The following MGAT4C variants were observed in gnomAD, a reference collection of about 807,000 sequenced individuals.
The protein encoded by MGAT4C is alpha-1,3-mannosyl-glycoprotein 4-beta-N-acetylglucosaminyltransferase C.
MGAT4C carries 19 observed loss-of-function variants against 40.1 expected under a neutral mutation model. The observed-to-expected ratio is 0.47, with a 90% CI of 0.33 to 0.70. The LOEUF (loss-of-function observed/expected upper bound fraction) is 0.70, where lower values mean the gene tolerates loss of function less well. MGAT4C is among the 30% of genes least tolerant of loss of function. The probability of loss-of-function intolerance (pLI) is 0.02; values close to 1 mark genes in which losing one functional copy is unlikely to be tolerated. For missense variants in MGAT4C, 491 were observed against 563.2 expected, an observed-to-expected ratio of 0.87 and a Z score of 1.30; for synonymous variants, 181 against 187.1, an observed-to-expected ratio of 0.97 and a Z score of 0.27.
intron 3 of MGAT4C, among the ~76,000 whole-genome samples, chr12:86,337,586 C>CAAAA (rs59069586): frequency 3.0e-5 from 2 of 65,654 alleles, no homozygotes; most frequent in Admixed American, 1.7e-4. Context: ...AATCTTGTCT[C>CAAAA]AAAAAAAAAA....
chr12:86,262,684 A>G (rs1952685306), intron 4 of MGAT4C, among the ~76,000 whole-genome samples: 1 of 152,104 alleles, frequency 6.6e-6, no homozygotes, highest in South Asian at 2.1e-4. Flanking sequence ...AGTATACTAC[A>G]CAAAATATGC....
At chr12:86,607,544 G>A (rs1962085328) in intron 2 of MGAT4C, among the ~76,000 whole-genome samples, 1 of 152,010 alleles carries the variant, frequency 6.6e-6, no homozygotes, top group African/African-American at 2.4e-5. Context: ...TCACAGGGCT[G>A]TTTATTTGCA....
chr12:86,285,232 G>A (rs1953323014), intron 4 of MGAT4C, among the ~76,000 whole-genome samples: 1 of 151,968 alleles, frequency 6.6e-6, no homozygotes, highest in Admixed American at 6.6e-5. Flanking sequence ...AATGAAGGGT[G>A]TTGATTCAAT....
intron 1 of MGAT4C, among the ~76,000 whole-genome samples, chr12:86,140,873 T>C (rs1882739379): frequency 6.6e-6 from 1 of 152,172 alleles, no homozygotes; most frequent in South Asian, 2.1e-4. Flanking sequence ...CTAGAAGAGA[T>C]ACATTTTTAT....
At chr12:86,502,463 T>C (rs1283542622) in intron 2 of MGAT4C, among the ~76,000 whole-genome samples, 1 of 151,882 alleles carries the variant, frequency 6.6e-6, no homozygotes, top group Non-Finnish European at 1.5e-5. Flanking sequence ...TCCATAGAGC[T>C]GCACAATACA....
rs1883926956 is a variant in MGAT4C, at chr12:85,975,722, A to T, written c.*3567T>A. 2 of 150,976 alleles carry T rather than the reference A, an allele frequency of 1.3e-5. No individual in the cohort carries two copies. Among genetic ancestry groups the T allele is most frequent in the Non-Finnish European group, 3.0e-5 (2 of 67,130 alleles). 9.4% of individuals were successfully genotyped at this position (150,976 alleles called of 1,614,324 possible). On this transcript the variant is annotated 3_prime_UTR_variant, in exon 5 of 5. Coordinates refer to ENST00000611864, the MANE Select transcript of MGAT4C (RefSeq NM_001351288.2). ...AACAGGATAAAATTATCCTAAAATT[A>T]ATATTAAATCTTACAAGAAACCCCC...
chr12:86,145,108 A>T (rs1278538748), intron 1 of MGAT4C, among the ~76,000 whole-genome samples: 34 of 152,192 alleles, frequency 2.2e-4, no homozygotes, highest in Admixed American at 2.2e-3. Flanking sequence ...CAACTTTTAA[A>T]TGGTGTCTAA....
At chr12:85,991,672 G>A (rs1885958105) in intron 2 of MGAT4C, among the ~76,000 whole-genome samples, 1 of 152,186 alleles carries the variant, frequency 6.6e-6, no homozygotes, top group East Asian at 1.9e-4. Flanking sequence ...GACATTACAG[G>A]CATGAATCTG....
At chr12:86,362,319 G>A (rs918873190) in intron 3 of MGAT4C, among the ~76,000 whole-genome samples, 3 of 151,986 alleles carry the variant, frequency 2.0e-5, no homozygotes, top group South Asian at 2.1e-4. Context: ...GGGGAACATC[G>A]CCCATTGGGG....
intron 1 of MGAT4C, among the ~76,000 whole-genome samples, chr12:86,802,397 T>G (rs895744045): frequency 1.3e-5 from 2 of 152,020 alleles, no homozygotes; most frequent in African/African-American, 4.8e-5. Flanking sequence ...TTAAAGCTTT[T>G]AAAATTCTGT....
At chr12:86,461,545 A>G (rs1957602360) in intron 2 of MGAT4C, among the ~76,000 whole-genome samples, 1 of 152,078 alleles carries the variant, frequency 6.6e-6, no homozygotes, top group Admixed American at 6.6e-5. Context: ...GCGCCCGGCC[A>G]CATCTTCTTA....
chr12:86,240,135 A>G (rs1951723547), intron 1 of MGAT4C, among the ~76,000 whole-genome samples: 1 of 151,598 alleles, frequency 6.6e-6, no homozygotes, highest in African/African-American at 2.4e-5. Context: ...GAATTAAATC[A>G]AATGTGCTTT....
chr12:86,614,790 A>C (rs1022112811), intron 2 of MGAT4C, among the ~76,000 whole-genome samples: 1 of 151,952 alleles, frequency 6.6e-6, no homozygotes, highest in Non-Finnish European at 1.5e-5. Flanking sequence ...GGAGTTTATG[A>C]AGTTCCTCAC....
At chr12:86,334,531 G>T (rs1954742561) in intron 3 of MGAT4C, among the ~76,000 whole-genome samples, 1 of 152,094 alleles carries the variant, frequency 6.6e-6, no homozygotes, top group South Asian at 2.1e-4. Context: ...TCCTATATAT[G>T]AGGTGATTCA....
chr12:86,226,501 C>G (rs1283867892), intron 1 of MGAT4C, among the ~76,000 whole-genome samples: 1 of 151,800 alleles, frequency 6.6e-6, no homozygotes, highest in Non-Finnish European at 1.5e-5. Context: ...CTTAAACTTC[C>G]AACATTTCCC....
intron 1 of MGAT4C, among the ~76,000 whole-genome samples, chr12:86,057,232 C>T (rs2136989644): frequency 6.6e-6 from 1 of 152,134 alleles, no homozygotes; most frequent in East Asian, 1.9e-4. Context: ...GGCTGGAGCA[C>T]AGTGGCACAA....
At chr12:86,037,212 C>T (rs536646990) in intron 2 of MGAT4C, among the ~76,000 whole-genome samples, 8 of 149,854 alleles carry the variant, frequency 5.3e-5, no homozygotes, top group East Asian at 1.9e-4. Context: ...AGCAGTCTAT[C>T]GATTTCGTTG....
At chr12:86,507,573 C>T (rs963284502) in intron 2 of MGAT4C, among the ~76,000 whole-genome samples, 175 of 152,242 alleles carry the variant, frequency 1.1e-3, no homozygotes, top group African/African-American at 4.0e-3. Context: ...AGATTAGAGA[C>T]ACAGGAAGTA....
chr12:86,324,491 T>G (rs940183688), intron 4 of MGAT4C, among the ~76,000 whole-genome samples: 14 of 151,970 alleles, frequency 9.2e-5, no homozygotes, highest in Non-Finnish European at 1.5e-4. Flanking sequence ...TTTAATTTAG[T>G]AGTAGATTAT....
Sources: gnomAD v4.1 joint callset for allele counts (sites outside exome capture counted in the v4.1 genomes callset) on GRCh38, gnomAD v4.1.1 for gene constraint, MANE v1.5 for transcripts, NCBI Gene and HGNC (gene_info 2026-07-23, HGNC 2026-07-21) for gene names.